SCAMP1: variants seen among roughly 807,000 people sequenced by gnomAD.
SCAMP1 encodes the protein secretory carrier-associated membrane protein 1.
Under a neutral mutation model 41.8 loss-of-function variants are expected in SCAMP1, and 15 were observed. The observed-to-expected ratio is 0.36, with a 90% CI of 0.24 to 0.55. The LOEUF is 0.55. SCAMP1 is among the 20% of genes least tolerant of loss of function. SCAMP1 has a pLI of 0.86. For missense variants in SCAMP1, 341 were observed against 412.6 expected, an observed-to-expected ratio of 0.83 and a Z score of 1.50; for synonymous variants, 135 against 136.8, an observed-to-expected ratio of 0.99 and a Z score of 0.09.
chr5:78,460,927 C>T (rs553795353), intron 8 of SCAMP1, among the ~76,000 whole-genome samples: 13 of 151,968 alleles, frequency 8.6e-5, no homozygotes, highest in African/African-American at 3.1e-4. Flanking sequence ...TCAATCTCAG[C>T]TCATTGCAAT....
At chr5:78,471,015 C>T (rs1467419274) in intron 8 of SCAMP1, among the ~76,000 whole-genome samples, 1 of 152,120 alleles carries the variant, frequency 6.6e-6, no homozygotes, top group African/African-American at 2.4e-5. Context: ...TAATCCTCAG[C>T]AGGTAGTAAT....
chr5:78,391,926 A>G (rs933995476), intron 2 of SCAMP1, among the ~76,000 whole-genome samples: 4 of 152,206 alleles, frequency 2.6e-5, no homozygotes, highest in South Asian at 2.1e-4. Flanking sequence ...AGAATCAGGC[A>G]GGGAGGTTGC....
Position 78,404,344 on chromosome 5 carries a change from A to T in SCAMP1, c.136-11176A>T, listed in dbSNP as rs1044416169. Among the ~76,000 whole-genome samples, 5 of 151,346 alleles carry T rather than the reference A, an allele frequency of 3.3e-5. No homozygotes were observed. The East Asian group carries it at 9.7e-4, about 29-fold the overall frequency. On this transcript the variant is annotated intron_variant, in intron 2 of 8. Coordinates refer to ENST00000621999, the MANE Select transcript of SCAMP1 (RefSeq NM_004866.6). Reference sequence around the variant, plus strand: ...TTTATTTTTTTAGAGACGGGGTCTCACTATATTGCCCAGCCTGGTCTCAAA... The same window carrying T: ...TTTATTTTTTTAGAGACGGGGTCTCTCTATATTGCCCAGCCTGGTCTCAAA...
intron 8 of SCAMP1, among the ~76,000 whole-genome samples, chr5:78,470,750 G>A (rs1248168913): frequency 6.6e-6 from 1 of 152,050 alleles, no homozygotes; most frequent in Non-Finnish European, 1.5e-5. Flanking sequence ...ACTCTTTTCT[G>A]GAAGGACTGT....
At chr5:78,411,749 A>T (rs533523863) in intron 2 of SCAMP1, among the ~76,000 whole-genome samples, 2 of 152,276 alleles carry the variant, frequency 1.3e-5, no homozygotes, top group Admixed American at 6.5e-5. Flanking sequence ...TACATTTGCA[A>T]ATATCTTGGA....
chr5:78,392,052 GGGAGAGGGAGA>G, intron 2 of SCAMP1, among the ~76,000 whole-genome samples: 1 of 99,550 alleles, frequency 1.0e-5, no homozygotes, highest in African/African-American at 3.1e-5. Flanking sequence ...TGGAAAGAGA[GGGAGAGGGAGA>G]CCGTGGAAAG....
At chr5:78,464,889 C>G (rs1202468835) in intron 8 of SCAMP1, among the ~76,000 whole-genome samples, 1 of 152,198 alleles carries the variant, frequency 6.6e-6, no homozygotes, top group Non-Finnish European at 1.5e-5. Flanking sequence ...ATGGTGACGT[C>G]TCACAGCTCC....
chr5:78,475,669 G>A lies in SCAMP1; in HGVS notation c.*1G>A, dbSNP rs1753987136. 2 of 1,532,330 alleles carry A rather than the reference G, an allele frequency of 1.3e-6. No homozygotes were observed. The highest frequency in any genetic ancestry group is 1.4e-5 in the African/African-American group (1 of 72,308). 94.9% of individuals were successfully genotyped at this position (1,532,330 alleles called of 1,614,324 possible). The stretch of plus-strand genomic sequence containing the variant: ...TGCTTTCAAGGGTAACCAGATTTAA[G>A]AATCTTCAAACAATACACTGTTACC... On this transcript the variant is annotated 3_prime_UTR_variant, in exon 9 of 9. Coordinates refer to ENST00000621999, the MANE Select transcript of SCAMP1 (RefSeq NM_004866.6).
intron 2 of SCAMP1, among the ~76,000 whole-genome samples, chr5:78,395,540 T>TG (rs1751629568): frequency 6.6e-6 from 1 of 152,238 alleles, no homozygotes; most frequent in Non-Finnish European, 1.5e-5. Context: ...GCTCAGGGTC[T>TG]TACAAGGCTG....
chr5:78,449,260 T>C (rs1210866772), intron 6 of SCAMP1, among the ~76,000 whole-genome samples: 1 of 152,004 alleles, frequency 6.6e-6, no homozygotes, highest in Admixed American at 6.6e-5. Flanking sequence ...GTCCCAACAG[T>C]GAATGAATAA....
At chr5:78,471,673 C>T (rs1753886349) in intron 8 of SCAMP1, among the ~76,000 whole-genome samples, 1 of 152,136 alleles carries the variant, frequency 6.6e-6, no homozygotes, top group African/African-American at 2.4e-5. Context: ...TATACCACCA[C>T]AGCATGTATT....
intron 6 of SCAMP1, among the ~76,000 whole-genome samples, chr5:78,430,571 A>G (rs1385274174): frequency 6.6e-6 from 1 of 151,904 alleles, no homozygotes; most frequent in Non-Finnish European, 1.5e-5. Flanking sequence ...ATATAACTAC[A>G]AGAAGAACCT....
chr5:78,443,653 C>CTTTTTTGTTTT (rs1752983267), intron 6 of SCAMP1, among the ~76,000 whole-genome samples: 1 of 71,964 alleles, frequency 1.4e-5, no homozygotes. Context: ...AGTGGTTTTG[C>CTTTTTTGTTTT]TTTTTTTTTT....
chr5:78,385,983 A>G (rs545069376), intron 1 of SCAMP1, among the ~76,000 whole-genome samples: 1 of 152,224 alleles, frequency 6.6e-6, no homozygotes, highest in African/African-American at 2.4e-5. Flanking sequence ...GTCCTAGGGT[A>G]TAGTTTAAAT....
At chr5:78,400,027 G>A (rs1751759238) in intron 2 of SCAMP1, among the ~76,000 whole-genome samples, 1 of 152,116 alleles carries the variant, frequency 6.6e-6, no homozygotes, top group African/African-American at 2.4e-5. Context: ...TAAGCTCAAG[G>A]AATTCTGCCT....
At chr5:78,452,973 T>C (rs1471217381) in intron 7 of SCAMP1, among the ~76,000 whole-genome samples, 2 of 149,064 alleles carry the variant, frequency 1.3e-5, no homozygotes, top group East Asian at 3.9e-4. Context: ...TTTGGCTGCA[T>C]AAATGTCTTC....
intron 6 of SCAMP1, among the ~76,000 whole-genome samples, chr5:78,435,884 T>C (rs911405171): frequency 1.3e-5 from 2 of 152,180 alleles, no homozygotes; most frequent in Non-Finnish European, 2.9e-5. Flanking sequence ...CTCTCCAGCA[T>C]CTGTTGTTTC....
At chr5:78,452,965 T>G (rs1580707592) in intron 7 of SCAMP1, among the ~76,000 whole-genome samples, 1 of 149,414 alleles carries the variant, frequency 6.7e-6, no homozygotes, top group Non-Finnish European at 1.5e-5. Context: ...ATGTGTTTTT[T>G]GGCTGCATAA....
Position 78,479,201 on chromosome 5 carries a change from C to T in SCAMP1, c.*3533C>T, listed in dbSNP as rs1754074949. The T allele has an allele frequency of 6.6e-6, 1 of 152,098 alleles. No homozygotes were observed. Among genetic ancestry groups the T allele is most frequent in the African/African-American group, 2.4e-5 (1 of 41,438 alleles). 9.4% of individuals were successfully genotyped at this position (152,098 alleles called of 1,614,324 possible). ...TATACCATTTCACTATATCTCCTTT[C>T]AGTTTTTCCTTAAGGAAAATGTTTA... is the stretch of plus-strand genomic sequence containing the variant. On this transcript the variant is annotated 3_prime_UTR_variant, in exon 9 of 9. Coordinates refer to ENST00000621999, the MANE Select transcript of SCAMP1 (RefSeq NM_004866.6).
Sources: gnomAD v4.1 joint callset for allele counts (sites outside exome capture counted in the v4.1 genomes callset) on GRCh38, gnomAD v4.1.1 for gene constraint, MANE v1.5 for transcripts, NCBI Gene and HGNC (gene_info 2026-07-23, HGNC 2026-07-21) for gene names.